SLC36A1: variants seen among roughly 807,000 people sequenced by gnomAD.
The protein encoded by SLC36A1 is solute carrier family 36 member 1, also known as proton-coupled amino acid transporter 1.
SLC36A1 carries 30 observed loss-of-function variants against 47.5 expected under a neutral mutation model. The ratio of observed to expected loss-of-function variants is 0.63; its 90% CI spans 0.47 to 0.86. SLC36A1 has a LOEUF of 0.86. SLC36A1 is among the 40% of genes least tolerant of loss of function. SLC36A1 has a pLI of 0.00. For synonymous variants in SLC36A1, 255 were observed against 249.7 expected (o/e 1.02, Z -0.20); for missense variants, 517 against 606.0 (o/e 0.85, Z 1.54).
At chr5:151,552,233 A>C in the SLC36A1 span, among the ~76,000 whole-genome samples, 2 of 151,974 alleles carry the variant, frequency 1.3e-5, no homozygotes, top group Non-Finnish European at 2.9e-5. Context: ...TGATCCTCCT[A>C]CTTCAGCCTC....
At chr5:151,450,574 G>C (rs983862414) in intron 1 of SLC36A1, among the ~76,000 whole-genome samples, 2 of 152,234 alleles carry the variant, frequency 1.3e-5, no homozygotes, top group Non-Finnish European at 2.9e-5. Context: ...GGATGGAGCA[G>C]ATGTCCACTT....
At position 151,476,599 on chromosome 5, in the gene SLC36A1, CT is replaced by C; in HGVS notation, c.833del (p.Leu278ArgfsTer5). 6.3e-7 allele frequency: 1 copy of C among 1,588,410 alleles called. No individual in the cohort carries two copies. Among genetic ancestry groups the C allele is most frequent in the South Asian group, 1.2e-5 (1 of 86,794 alleles). On this transcript the variant is annotated frameshift_variant, in exon 9 of 11. Transcript: ENST00000243389. LOFTEE classifies it high-confidence loss of function. Reference protein sequence around the residue: ...SFEGIGMVLPLENKMKDPRKF... With the variant: ...SFEGIGMVLPXENKMKDPRKF... ...CACTACTCTCTCATAGGTTCTGCCC[CT>C]GGAAAACAAAATGAAGGATCCTCGG... is the stretch of plus-strand genomic sequence containing the variant.
the SLC36A1 span, chr5:151,347,585 C>T: frequency 8.0e-7 from 1 of 1,253,360 alleles, no homozygotes. Flanking sequence ...TGGCTCTGGC[C>T]AAGCTGGAAC....
chr5:151,425,107 G>A, the SLC36A1 span, among the ~76,000 whole-genome samples: 1 of 152,220 alleles, frequency 6.6e-6, no homozygotes, highest in African/African-American at 2.4e-5. Context: ...CCCAAGTTGT[G>A]CAGCAGAGTC....
In SLC36A1 at chr5:151,476,668, A is replaced by G. The variant is rs750034329; in HGVS notation, c.901A>G (p.Ile301Val). The G allele has an allele frequency of 2.5e-6, 4 of 1,613,550 alleles. No homozygotes were observed. In the Admixed American group the frequency reaches 5.0e-5, roughly 20 times the overall value. ...GTACCTGGGCATGGTCATCGTCACC[A>G]TCCTCTACATCAGCCTGGGGTGTCT... is the stretch of plus-strand genomic sequence containing the variant. ...ILYLGMVIVT[I>V]LYISLGCLGY... is the part of the protein sequence containing the mutation. Residue 301 changes from isoleucine (I) to valine (V), a missense_variant, in exon 9 of 11, where the codon ATC becomes GTC. Coordinates refer to ENST00000243389, the MANE Select transcript of SLC36A1 (RefSeq NM_078483.4).
At chr5:151,539,778 C>G in the SLC36A1 span, among the ~76,000 whole-genome samples, 1 of 152,236 alleles carries the variant, frequency 6.6e-6, no homozygotes, top group Admixed American at 6.5e-5. Flanking sequence ...TCTAGGAACA[C>G]AGCTCCTCTC....
At chr5:151,401,261 C>T in the SLC36A1 span, among the ~76,000 whole-genome samples, 138 of 152,142 alleles carry the variant, frequency 9.1e-4, 1 homozygote, top group African/African-American at 3.2e-3. Context: ...ATCCCAGCAC[C>T]TCTTATTTAT....
At chr5:151,358,830 CG>C in the SLC36A1 span, among the ~76,000 whole-genome samples, 1 of 151,472 alleles carries the variant, frequency 6.6e-6, no homozygotes, top group South Asian at 2.1e-4. Context: ...AAAAATTAGC[CG>C]GGCGCGGTGG....
At chr5:151,433,254 A>ATTTTTTTTTTT (rs1759528018), upstream of SLC36A1, among the ~76,000 whole-genome samples, 1 of 16,496 alleles carries the variant, frequency 6.1e-5, no homozygotes, top group African/African-American at 2.1e-4. Flanking sequence ...ATATATATAT[A>ATTTTTTTTTTT]TATATATATA....
chr5:151,443,748 G>A (rs1257099119), upstream of SLC36A1, among the ~76,000 whole-genome samples: 1 of 152,158 alleles, frequency 6.6e-6, no homozygotes, highest in Non-Finnish European at 1.5e-5. Context: ...GCCAAGGCCA[G>A]TGTCCAGGAG....
At chr5:151,347,274 G>A in the SLC36A1 span, 5 of 1,613,848 alleles carry the variant, frequency 3.1e-6, no homozygotes, top group South Asian at 5.5e-5. Context: ...GCAGAAATAG[G>A]GATGGCAGAA....
At chr5:151,418,617 G>A in the SLC36A1 span, among the ~76,000 whole-genome samples, 10 of 152,186 alleles carry the variant, frequency 6.6e-5, no homozygotes, top group Non-Finnish European at 1.5e-4. Flanking sequence ...TTTACCCAAT[G>A]TCTGTACCAC....
intron 1 of SLC36A1, among the ~76,000 whole-genome samples, chr5:151,454,870 G>A (rs1039250515): frequency 4.6e-5 from 7 of 151,924 alleles, no homozygotes; most frequent in Admixed American, 1.3e-4. Context: ...CCGCTACCAC[G>A]CCCGGCTAAT....
the SLC36A1 span, among the ~76,000 whole-genome samples, chr5:151,382,967 T>G: frequency 1.3e-5 from 2 of 152,176 alleles, no homozygotes; most frequent in Non-Finnish European, 2.9e-5. Flanking sequence ...GAAAACAGCA[T>G]TAAAGCCAGG....
chr5:151,495,623 G>A (rs568793487), downstream of SLC36A1, among the ~76,000 whole-genome samples: 7 of 152,060 alleles, frequency 4.6e-5, no homozygotes, highest in South Asian at 4.2e-4. Flanking sequence ...TAACTGTACC[G>A]TCACCTCAAG....
chr5:151,521,969 C>T, the SLC36A1 span: 1 of 1,614,200 alleles, frequency 6.2e-7, no homozygotes, highest in Non-Finnish European at 8.5e-7. Flanking sequence ...AACTCATCCT[C>T]TCCAACAGTG....
upstream of SLC36A1, among the ~76,000 whole-genome samples, chr5:151,432,368 C>T (rs1415976118): frequency 6.6e-6 from 1 of 152,142 alleles, no homozygotes; most frequent in Non-Finnish European, 1.5e-5. Flanking sequence ...ATTGCACTGT[C>T]TTCCCCACCT....
chr5:151,468,458 T>C (rs888006567), intron 7 of SLC36A1, among the ~76,000 whole-genome samples: 1 of 147,404 alleles, frequency 6.8e-6, no homozygotes, highest in African/African-American at 2.5e-5. Context: ...ATAATATATA[T>C]ATGTAAGTGG....
At chr5:151,356,023 T>C in the SLC36A1 span, among the ~76,000 whole-genome samples, 47 of 152,112 alleles carry the variant, frequency 3.1e-4, no homozygotes, top group Non-Finnish European at 6.5e-4. Flanking sequence ...AAATTAATAT[T>C]AATGTGCTAT....
Sources: allele counts gnomAD v4.1 joint callset (sites outside exome capture counted in the v4.1 genomes callset), GRCh38; gene constraint gnomAD v4.1.1; transcripts MANE v1.5; gene names NCBI Gene and HGNC (gene_info 2026-07-23, HGNC 2026-07-21).